ABCA4: variants seen among roughly 807,000 people sequenced by gnomAD.
ABCA4 encodes the protein ATP binding cassette subfamily A member 4.
ABCA4 carries 196 observed loss-of-function variants against 263.7 expected under a neutral mutation model. The ratio of observed to expected loss-of-function variants is 0.74; its 90% CI spans 0.66 to 0.84. ABCA4 has a LOEUF of 0.84. ABCA4 is among the 40% of genes least tolerant of loss of function. The pLI, the probability that ABCA4 is intolerant of heterozygous loss-of-function variation, is 0.00. For missense variants in ABCA4, 2,792 were observed against 2,855.1 expected (o/e 0.98, Z 0.50); for synonymous variants, 1,133 against 1,094.2 (o/e 1.04, Z -0.70).
chr1:94,115,612 G>A (rs1029476073), intron 1 of ABCA4, among the ~76,000 whole-genome samples: 2 of 152,172 alleles, frequency 1.3e-5, no homozygotes, highest in Non-Finnish European at 2.9e-5. Context: ...TCTGTGAAAT[G>A]GATGTGATAC....
intron 18 of ABCA4, 30 bp downstream of exon 18, chr1:94,048,838 T>C: frequency 1.9e-6 from 3 of 1,609,934 alleles, no homozygotes; most frequent in Non-Finnish European, 2.6e-6. Context: ...TTTCCTCGCC[T>C]CTGCTGTGTA....
intron 44 of ABCA4, among the ~76,000 whole-genome samples, chr1:94,004,672 T>C (rs897786062): frequency 6.6e-6 from 1 of 152,210 alleles, no homozygotes; most frequent in Non-Finnish European, 1.5e-5. Flanking sequence ...TACTTCCCAT[T>C]CTTACTGATT....
Position 94,008,252 on chromosome 1 carries a change from C to T in ABCA4, c.5881G>A (p.Gly1961Arg), listed in dbSNP as rs142253670. 7.7e-5 allele frequency: 125 copies of T among 1,614,086 alleles called. No homozygotes were observed. Among genetic ancestry groups the T allele is most frequent in the East Asian group, 2.0e-4 (9 of 44,868 alleles). Residue 1961 changes from glycine to arginine, a missense_variant, in exon 42 of 50, where the codon GGA (glycine) becomes AGA (arginine). Physicochemically the swap from Gly to Arg is moderately radical, Grantham distance 125 (BLOSUM62 -2). Transcript: ENST00000370225. ...SSPAVDRLCVGVRPGECFGLL... is the reference protein window; with the variant it reads ...SSPAVDRLCVRVRPGECFGLL... ...GTACCCACCTCTCCAGGGCGAACTC[C>T]GACACACAGCCTGTCCACTGCTGGG...
intron 10 of ABCA4, 27 bp from the exon 11 acceptor site, chr1:94,077,914 C>T (rs1270630163): frequency 3.1e-6 from 5 of 1,596,790 alleles, no homozygotes; most frequent in Admixed American, 1.7e-5. Flanking sequence ...ACAGTCACTG[C>T]TCTGCTTAGA....
intron 22 of ABCA4, 50 bp from the exon 23 acceptor site, chr1:94,041,452 T>C: frequency 6.2e-7 from 1 of 1,603,650 alleles, no homozygotes; most frequent in Non-Finnish European, 8.5e-7. Context: ...GGGTTGGGCA[T>C]TGTTGGTAAA....
chr1:94,033,311 C>G (rs186709975), intron 26 of ABCA4, among the ~76,000 whole-genome samples: 1 of 151,426 alleles, frequency 6.6e-6, no homozygotes, highest in Admixed American at 6.6e-5. Context: ...GTAGTCCCAG[C>G]TACTTGGGAG....
intron 6 of ABCA4, among the ~76,000 whole-genome samples, chr1:94,083,994 A>G (rs1276192024): frequency 1.3e-5 from 2 of 152,222 alleles, no homozygotes; most frequent in Non-Finnish European, 2.9e-5. Context: ...GAGTCGGAGA[A>G]GTTCCCTTGC....
At chr1:94,105,180 C>G (rs982195113) in intron 4 of ABCA4, among the ~76,000 whole-genome samples, 5 of 152,206 alleles carry the variant, frequency 3.3e-5, no homozygotes, top group Non-Finnish European at 7.3e-5. Context: ...GACATCCAAT[C>G]AGAGTCTCAA....
chr1:94,031,075 T>C lies in ABCA4; in HGVS notation c.4174A>G (p.Ile1392Val). 1 of 1,613,928 alleles carries C rather than the reference T, an allele frequency of 6.2e-7. No individual in the cohort carries two copies. Among genetic ancestry groups the C allele is most frequent in the Middle Eastern group, 1.6e-4 (1 of 6,062 alleles). Residue 1392 changes from isoleucine to valine, a missense_variant, in exon 28 of 50, where the codon ATT (isoleucine) becomes GTT (valine). Physicochemically the swap from Ile to Val is conservative, Grantham distance 29 (BLOSUM62 3). Transcript: ENST00000370225. The part of the protein sequence containing the change: ...TFVFLALMLS[I>V]VIPPFGEYPA... ...TATTCGCCAAAAGGAGGGATAACAA[T>C]AGAAAGCATCAGAGCCAAAAACACA... is the stretch of plus-strand genomic sequence containing the variant.
At chr1:94,080,947 G>A (rs774273008) in intron 7 of ABCA4, among the ~76,000 whole-genome samples, 6 of 152,114 alleles carry the variant, frequency 3.9e-5, no homozygotes, top group African/African-American at 2.4e-5. Context: ...CAGAGTGGCC[G>A]GGCGCAGTGG....
At chr1:94,004,458 G>T (rs979928493) in intron 44 of ABCA4, among the ~76,000 whole-genome samples, 2 of 152,024 alleles carry the variant, frequency 1.3e-5, no homozygotes, top group Non-Finnish European at 2.9e-5. Context: ...AAACTAAAAA[G>T]AACTCAGAAA....
chr1:94,081,094 G>A (rs112679476), intron 7 of ABCA4, among the ~76,000 whole-genome samples: 18 of 152,156 alleles, frequency 1.2e-4, no homozygotes, highest in African/African-American at 2.2e-4. Context: ...ACATGGTGGC[G>A]GGCCCCTGTA....
intron 27 of ABCA4, 30 bp from the exon 28 acceptor site, chr1:94,031,150 G>A (rs774211234): frequency 5.0e-6 from 8 of 1,613,496 alleles, no homozygotes; most frequent in Non-Finnish European, 6.8e-6. Flanking sequence ...GAATAAACAT[G>A]ACTGTGGCAT....
intron 6 of ABCA4, among the ~76,000 whole-genome samples, chr1:94,091,621 ACACAC>A (rs1252474294): frequency 7.0e-6 from 1 of 142,886 alleles, no homozygotes; most frequent in African/African-American, 2.5e-5. Context: ...ACACACACAC[ACACAC>A]AATTTCCTAT....
chr1:94,101,666 C>G (rs1662289322), intron 5 of ABCA4, among the ~76,000 whole-genome samples: 2 of 152,210 alleles, frequency 1.3e-5, no homozygotes, highest in Admixed American at 1.3e-4. Context: ...GTCTCGTTCT[C>G]TCCTGGAGTC....
chr1:94,055,003 T>C, intron 16 of ABCA4, 108 bp downstream of exon 16: 1 of 1,153,994 alleles, frequency 8.7e-7, no homozygotes, highest in Non-Finnish European at 1.3e-6. Context: ...CTTCAAATGC[T>C]GGTTCTGACA....
In ABCA4 at chr1:94,037,346, A is replaced by G. The variant is rs749407971; in HGVS notation, c.3612T>C (p.Asp1204=). The G allele has an allele frequency of 2.2e-5, 36 of 1,613,914 alleles. No individual in the cohort carries two copies. The South Asian group carries it at 3.8e-4, about 17-fold the overall frequency. Residue 1204 remains aspartate (D), a synonymous_variant, in exon 25 of 50, where the codon GAT becomes GAC. Coordinates refer to ENST00000370225, the MANE Select transcript of ABCA4 (RefSeq NM_000350.3). The stretch of plus-strand genomic sequence containing the variant: ...GAACTACATCCATCAGCTCATTTAC[A>G]TCCCCTAGGACAAGAAAAAAGACTG... ...DLTPEQVLDG[D]VNELMDVVLH...
intron 32 of ABCA4, 24 bp downstream of exon 32, chr1:94,023,362 A>T (rs1557769506): frequency 6.3e-7 from 1 of 1,583,566 alleles, no homozygotes; most frequent in Non-Finnish European, 8.7e-7. Flanking sequence ...TGAGATTTTA[A>T]TTCTGATAAA....
chr1:94,112,929 CAA>C, intron 2 of ABCA4, 42 bp downstream of exon 2: 1 of 1,509,422 alleles, frequency 6.6e-7, no homozygotes, highest in East Asian at 2.3e-5. Flanking sequence ...AGGCCCAGAC[CAA>C]AGTCTCTTCA....
Sources: gnomAD v4.1 joint callset for allele counts (sites outside exome capture counted in the v4.1 genomes callset) on GRCh38, gnomAD v4.1.1 for gene constraint, MANE v1.5 for transcripts, NCBI Gene and HGNC (gene_info 2026-07-23, HGNC 2026-07-21) for gene names.